The following KDM4C variants were observed in gnomAD, a reference collection of about 807,000 sequenced individuals.
KDM4C encodes the protein lysine demethylase 4C.
KDM4C carries 81 observed loss-of-function variants against 129.3 expected under a neutral mutation model. That is an observed-to-expected ratio of 0.63 (90% CI 0.52 to 0.75). The LOEUF is 0.75. KDM4C is among the 30% of genes least tolerant of loss of function. KDM4C has a pLI of 0.00. For synonymous variants in KDM4C, 573 were observed against 456.1 expected (o/e 1.26, Z -3.26); for missense variants, 1,457 against 1,304.0 (o/e 1.12, Z -1.81).
At chr9:6,854,534 A>AAAC (rs1554720143) in intron 5 of KDM4C, among the ~76,000 whole-genome samples, 4 of 145,892 alleles carry the variant, frequency 2.7e-5, no homozygotes, top group Non-Finnish European at 6.0e-5. Flanking sequence ...TCAAAAAAAA[A>AAAC]AAAAAAAAAA....
intron 19 of KDM4C, among the ~76,000 whole-genome samples, chr9:7,132,595 T>G (rs1840761008): frequency 6.6e-6 from 1 of 152,230 alleles, no homozygotes. Context: ...CACCTCCATC[T>G]GTCAGTCTAT....
chr9:7,102,892 C>T (rs1490353668), intron 17 of KDM4C, among the ~76,000 whole-genome samples: 1 of 152,198 alleles, frequency 6.6e-6, no homozygotes, highest in Non-Finnish European at 1.5e-5. Context: ...TAGTTCACAA[C>T]TTACATTTAG....
At chr9:6,865,781 C>A (rs34404473) in intron 5 of KDM4C, among the ~76,000 whole-genome samples, 32,003 of 151,154 alleles carry the variant, frequency 0.21, 4,192 homozygotes, top group Middle Eastern at 0.38. Flanking sequence ...GACGGAGTCT[C>A]GCTCTGTCGC....
At chr9:7,071,230 C>T (rs1296739391) in intron 17 of KDM4C, among the ~76,000 whole-genome samples, 1 of 152,160 alleles carries the variant, frequency 6.6e-6, no homozygotes, top group Non-Finnish European at 1.5e-5. Flanking sequence ...ATTAATTCTC[C>T]ACCAAATTGA....
rs987896205 is a variant in KDM4C, at chr9:7,018,607, A to G, written c.2259+2678A>G. Among the ~76,000 whole-genome samples, 31 of 152,250 alleles carry G rather than the reference A, an allele frequency of 2.0e-4. 1 individual carries two copies. The highest frequency in any genetic ancestry group is 1.0e-4 in the Non-Finnish European group (7 of 68,044). ...TATCTGATCAGCTCACCAAGGCATTAAGAGTTCTCTGTTCCATCCACAGTT... is the reference window on the plus strand; with the variant it reads ...TATCTGATCAGCTCACCAAGGCATTGAGAGTTCTCTGTTCCATCCACAGTT... On this transcript the variant is annotated intron_variant, in intron 15 of 21. Coordinates refer to ENST00000381309, the MANE Select transcript of KDM4C (RefSeq NM_015061.6).
chr9:7,110,424 T>C (rs569478400), intron 18 of KDM4C, among the ~76,000 whole-genome samples: 105 of 152,354 alleles, frequency 6.9e-4, no homozygotes, highest in Middle Eastern at 3.4e-3. Context: ...AATTTATTTT[T>C]ATATTGTTCT....
chr9:7,127,991 A>G (rs1329003575), intron 18 of KDM4C, 75 bp from the exon 19 acceptor site: 4 of 1,212,742 alleles, frequency 3.3e-6, no homozygotes, highest in African/African-American at 3.2e-5. Context: ...TTTCAAATGA[A>G]TATTTTTTAT....
chr9:6,944,063 T>C lies in KDM4C; in HGVS notation c.922-36862T>C, dbSNP rs535560505. ...TCTGGTTAGCTTAAATTTATATATC[T>C]TAAATGGGTTACATTAGCTTCATAA... On this transcript the variant is annotated intron_variant, in intron 8 of 21. Transcript: ENST00000381309. 2.0e-5 allele frequency among the ~76,000 whole-genome samples: 3 copies of C among 152,330 alleles called. No homozygotes were observed. In the South Asian group the frequency reaches 6.2e-4, roughly 32 times the overall value.
At chr9:7,148,470 G>C (rs1351103983) in intron 19 of KDM4C, among the ~76,000 whole-genome samples, 1 of 152,202 alleles carries the variant, frequency 6.6e-6, no homozygotes, top group East Asian at 1.9e-4. Flanking sequence ...TGGAGAACAG[G>C]AGGGCTGTAG....
intron 8 of KDM4C, among the ~76,000 whole-genome samples, chr9:6,931,180 G>T (rs1475585854): frequency 6.6e-6 from 1 of 151,506 alleles, no homozygotes; most frequent in Non-Finnish European, 1.5e-5. Flanking sequence ...AGGGCAGCAT[G>T]CATTGCTGGA....
intron 1 of KDM4C, among the ~76,000 whole-genome samples, chr9:6,791,896 C>G (rs1347557496): frequency 6.6e-6 from 1 of 152,102 alleles, no homozygotes; most frequent in African/African-American, 2.4e-5. Flanking sequence ...GTAGACCATG[C>G]CTGTAATCCG....
At chr9:6,811,263 C>T (rs955636607) in intron 3 of KDM4C, among the ~76,000 whole-genome samples, 6 of 152,090 alleles carry the variant, frequency 3.9e-5, no homozygotes, top group Non-Finnish European at 8.8e-5. Flanking sequence ...AAGTGATTCT[C>T]CTGCCTCAGC....
intron 8 of KDM4C, among the ~76,000 whole-genome samples, chr9:6,897,836 A>G (rs991119839): frequency 2.0e-5 from 3 of 152,242 alleles, no homozygotes; most frequent in Admixed American, 1.3e-4. Context: ...AGTGAAATGC[A>G]ATTATTTTTT....
chr9:7,140,694 C>G (rs543867771), intron 19 of KDM4C, among the ~76,000 whole-genome samples: 1 of 152,258 alleles, frequency 6.6e-6, no homozygotes, highest in African/African-American at 2.4e-5. Context: ...CAGTGAGCAC[C>G]TACTACATGC....
At chr9:6,813,888 AAG>A in intron 3 of KDM4C, among the ~76,000 whole-genome samples, 1 of 152,292 alleles carries the variant, frequency 6.6e-6, no homozygotes, top group East Asian at 1.9e-4. Context: ...AGTATCTTGA[AAG>A]AGCTATCTTG....
intron 5 of KDM4C, among the ~76,000 whole-genome samples, chr9:6,873,917 AGAGAGAGAGAGAGTGAGAGAGAGC>A (rs1335597052): frequency 1.6e-3 from 234 of 143,634 alleles, no homozygotes; most frequent in African/African-American, 5.2e-3. Flanking sequence ...AGAGAGAGCG[AGAGAGAGAGAGAGTGAGAGAGAGC>A]GAGAGAGAGA....
chr9:6,868,663 T>C (rs1335892634), intron 5 of KDM4C, among the ~76,000 whole-genome samples: 1 of 152,170 alleles, frequency 6.6e-6, no homozygotes, highest in Non-Finnish European at 1.5e-5. Context: ...AGAAACAGTT[T>C]GTACATGTTC....
intron 19 of KDM4C, among the ~76,000 whole-genome samples, chr9:7,163,723 TA>T (rs1175443524): frequency 6.6e-6 from 1 of 152,134 alleles, no homozygotes; most frequent in Non-Finnish European, 1.5e-5. Context: ...AGAAAGGTGA[TA>T]ACCCCATGGG....
intron 5 of KDM4C, among the ~76,000 whole-genome samples, chr9:6,857,509 T>G (rs1840077445): frequency 6.6e-6 from 1 of 152,160 alleles, no homozygotes; most frequent in East Asian, 1.9e-4. Flanking sequence ...CATTGATCTC[T>G]GTGGACCACT....
Sources: allele counts gnomAD v4.1 joint callset (sites outside exome capture counted in the v4.1 genomes callset), GRCh38; gene constraint gnomAD v4.1.1; transcripts MANE v1.5; gene names NCBI Gene and HGNC (gene_info 2026-07-23, HGNC 2026-07-21).